The following NRG1 variants were observed in gnomAD, a reference collection of about 807,000 sequenced individuals.
NRG1 encodes the protein neuregulin 1.
In NRG1, 18 loss-of-function variants were observed where a neutral mutation model predicts 63.8. The ratio of observed to expected loss-of-function variants is 0.28; its 90% CI spans 0.19 to 0.42. NRG1 has a LOEUF of 0.42. NRG1 is among the 10% of genes least tolerant of loss of function. The probability of loss-of-function intolerance (pLI) is 1.00; values close to 1 mark genes in which losing one functional copy is unlikely to be tolerated. For missense variants in NRG1, 762 were observed against 814.7 expected, an observed-to-expected ratio of 0.94 and a Z score of 0.79; for synonymous variants, 302 against 301.3, an observed-to-expected ratio of 1.00 and a Z score of -0.02.
chr8:32,624,134 C>T (rs532279440), intron 5 of NRG1, among the ~76,000 whole-genome samples: 1 of 152,224 alleles, frequency 6.6e-6, no homozygotes, highest in South Asian at 2.1e-4. Context: ...TGTGACTTGT[C>T]CCAAGTCAAA....
At chr8:31,966,468 A>G (rs1806349306) in intron 1 of NRG1, among the ~76,000 whole-genome samples, 2 of 152,266 alleles carry the variant, frequency 1.3e-5, no homozygotes, top group Non-Finnish European at 2.9e-5. Context: ...CCAAAATTCA[A>G]GAGACTCCTA....
At chr8:31,845,106 C>CAAATAAAT (rs3052830) in intron 1 of NRG1, among the ~76,000 whole-genome samples, 21,327 of 146,142 alleles carry the variant, frequency 0.15, 1,852 homozygotes, top group African/African-American at 0.23. Context: ...GACTCCGTCT[C>CAAATAAAT]AAATAAATAA....
chr8:32,319,272 A>C (rs1228705540), intron 1 of NRG1, among the ~76,000 whole-genome samples: 1 of 152,194 alleles, frequency 6.6e-6, no homozygotes, highest in Non-Finnish European at 1.5e-5. Flanking sequence ...AGCTAGGGTC[A>C]TGTTATCAGA....
At chr8:32,432,958 A>G (rs1420454892) in intron 1 of NRG1, among the ~76,000 whole-genome samples, 1 of 152,142 alleles carries the variant, frequency 6.6e-6, no homozygotes, top group African/African-American at 2.4e-5. Flanking sequence ...AAGTGGGAAG[A>G]GTTTGATGAC....
At chr8:31,729,070 T>A (rs1169596013) in intron 1 of NRG1, among the ~76,000 whole-genome samples, 1 of 152,156 alleles carries the variant, frequency 6.6e-6, no homozygotes, top group African/African-American at 2.4e-5. Flanking sequence ...AAAAGCTTAT[T>A]TTTGTATATA....
At chr8:31,651,270 G>T (rs1035530957) in intron 1 of NRG1, among the ~76,000 whole-genome samples, 4 of 152,120 alleles carry the variant, frequency 2.6e-5, no homozygotes, top group African/African-American at 9.7e-5. Context: ...TTTTCAAAAA[G>T]CAAATATGAT....
At chr8:31,691,102 AGAGTAAGCTG>A (rs927382894) in intron 1 of NRG1, among the ~76,000 whole-genome samples, 1 of 152,154 alleles carries the variant, frequency 6.6e-6, no homozygotes, top group African/African-American at 2.4e-5. Flanking sequence ...CCAACCAAAG[AGAGTAAGCTG>A]GAGCCCTCTG....
chr8:31,854,368 C>T (rs1197191089), intron 1 of NRG1, among the ~76,000 whole-genome samples: 5 of 152,138 alleles, frequency 3.3e-5, no homozygotes, highest in Non-Finnish European at 7.3e-5. Flanking sequence ...GAAATTTATC[C>T]ATTTCTTCTA....
chr8:32,027,660 T>G (rs772358981), intron 1 of NRG1, among the ~76,000 whole-genome samples: 23 of 152,122 alleles, frequency 1.5e-4, no homozygotes, highest in Non-Finnish European at 2.6e-4. Flanking sequence ...TGAATTTACT[T>G]TCATGGATTA....
At position 31,929,485 on chromosome 8, in the gene NRG1, G is replaced by A. The variant is rs1323064930; in HGVS notation, c.37+290054G>A. Among the ~76,000 whole-genome samples the A allele has an allele frequency of 2.6e-5, 4 of 151,692 alleles. No homozygotes were observed. In the East Asian group the frequency reaches 7.7e-4, roughly 29 times the overall value. On this transcript the variant is annotated intron_variant, in intron 1 of 10. Transcript: ENST00000519301. ...TAAGCATTATTTTAATGATATATAT[G>A]TATAAATAATATATATTCTTACATA...
At chr8:32,668,490 G>A (rs1294426363) in intron 5 of NRG1, among the ~76,000 whole-genome samples, 1 of 152,054 alleles carries the variant, frequency 6.6e-6, no homozygotes, top group Admixed American at 6.6e-5. Flanking sequence ...AGTACATGGT[G>A]GAATGAAGGC....
At chr8:32,474,633 C>T (rs558966443) in intron 1 of NRG1, among the ~76,000 whole-genome samples, 1 of 152,084 alleles carries the variant, frequency 6.6e-6, no homozygotes, top group South Asian at 2.1e-4. Context: ...GCTGGGACTA[C>T]AGGCACGTGC....
At chr8:32,342,309 T>G (rs1804180601) in intron 1 of NRG1, among the ~76,000 whole-genome samples, 1 of 152,224 alleles carries the variant, frequency 6.6e-6, no homozygotes, top group Non-Finnish European at 1.5e-5. Context: ...TTTCCCAGAA[T>G]ACAACAGATT....
chr8:32,158,914 A>T (rs1273214988), intron 1 of NRG1, among the ~76,000 whole-genome samples: 2 of 152,008 alleles, frequency 1.3e-5, no homozygotes, highest in Non-Finnish European at 2.9e-5. Context: ...TGCATCTGAG[A>T]GATAGCCCCT....
At chr8:32,733,179 T>C (rs1418867821) in intron 6 of NRG1, among the ~76,000 whole-genome samples, 3 of 152,220 alleles carry the variant, frequency 2.0e-5, no homozygotes, top group African/African-American at 7.2e-5. Flanking sequence ...CCACCAACTA[T>C]CTTTATAACT....
chr8:32,761,758 A>G (rs2129059677), intron 11 of NRG1, among the ~76,000 whole-genome samples: 1 of 152,016 alleles, frequency 6.6e-6, no homozygotes. Flanking sequence ...AAAAAATGAC[A>G]GGCTGGGCAC....
At chr8:32,535,470 G>A (rs1386592467) in intron 1 of NRG1, among the ~76,000 whole-genome samples, 1 of 151,934 alleles carries the variant, frequency 6.6e-6, no homozygotes, top group African/African-American at 2.4e-5. Flanking sequence ...AATACCAAAA[G>A]TCTCCCCATG....
intron 1 of NRG1, among the ~76,000 whole-genome samples, chr8:32,230,640 C>T (rs559931781): frequency 6.6e-6 from 1 of 152,088 alleles, no homozygotes; most frequent in East Asian, 1.9e-4. Context: ...ACCAAAAGGC[C>T]TGGAGTCACG....
intron 5 of NRG1, among the ~76,000 whole-genome samples, chr8:32,655,697 A>C (rs745815859): frequency 1.4e-4 from 22 of 152,194 alleles, no homozygotes; most frequent in Non-Finnish European, 5.9e-5. Context: ...TAGAATACAT[A>C]GATTATTACC....
Sources: allele counts gnomAD v4.1 joint callset (sites outside exome capture counted in the v4.1 genomes callset), GRCh38; gene constraint gnomAD v4.1.1; transcripts MANE v1.5; gene names NCBI Gene and HGNC (gene_info 2026-07-23, HGNC 2026-07-21).